Variants in DNMT1 observed in about 807,000 individuals in gnomAD.
DNMT1 encodes the protein DNA methyltransferase 1, also known as DNA (cytosine-5)-methyltransferase 1.
DNMT1 carries 24 observed loss-of-function variants against 205.3 expected under a neutral mutation model. That is an observed-to-expected ratio of 0.12 (90% CI 0.08 to 0.16). The LOEUF is 0.16. Ranked by LOEUF, DNMT1 falls within the 10% of genes least tolerant of loss-of-function variation. The pLI is 1.00. For synonymous variants in DNMT1, 817 were observed against 839.8 expected (o/e 0.97, Z 0.47); for missense variants, 1,293 against 2,177.7 (o/e 0.59, Z 8.09).
At chr19:10,152,530 C>T (rs1406333773) in intron 22 of DNMT1, among the ~76,000 whole-genome samples, 23 of 151,886 alleles carry the variant, frequency 1.5e-4, no homozygotes, top group Admixed American at 1.4e-3. Flanking sequence ...GATGCTAAGG[C>T]GGGAGGACTG....
At chr19:10,136,024 G>A in intron 38 of DNMT1, 97 bp downstream of exon 38, 1 of 1,562,890 alleles carries the variant, frequency 6.4e-7, no homozygotes, top group Non-Finnish European at 8.7e-7. Flanking sequence ...GGGTCCTGGG[G>A]TGCTGTCCCC....
At chr19:10,183,435 A>G (rs1248399382) in intron 1 of DNMT1, among the ~76,000 whole-genome samples, 1 of 152,154 alleles carries the variant, frequency 6.6e-6, no homozygotes, top group Non-Finnish European at 1.5e-5. Context: ...AAAAGGTACC[A>G]GAGACCAGGC....
chr19:10,153,520 C>T (rs2145304950), intron 22 of DNMT1, among the ~76,000 whole-genome samples: 1 of 151,666 alleles, frequency 6.6e-6, no homozygotes, highest in East Asian at 1.9e-4. Flanking sequence ...GCCTATAATC[C>T]CAGCCACTCG....
At chr19:10,194,452 G>C (rs759594073) in intron 1 of DNMT1, 1 of 181,052 alleles carries the variant, frequency 5.5e-6, no homozygotes, top group South Asian at 1.6e-4. Context: ...TTGGCCGCGG[G>C]CTGCCCACTT....
chr19:10,138,332 G>A lies in DNMT1; in HGVS notation c.4115+107C>T, dbSNP rs1231210200. On this transcript the variant is annotated intron_variant, in intron 35 of 40. Coordinates refer to ENST00000359526, the MANE Select transcript of DNMT1 (RefSeq NM_001130823.3). This position sits in a 1 kb window ranked among gnomAD's most constrained non-coding sequence, Gnocchi z 4.1. Reference sequence around the variant, plus strand: ...CAGAGCACCGTGTGGCAGGGCAGATGCTGTACCATCCTCTCCTCCCCAAGC... The same window carrying A: ...CAGAGCACCGTGTGGCAGGGCAGATACTGTACCATCCTCTCCTCCCCAAGC... The A allele has an allele frequency of 4.3e-5, 66 of 1,549,340 alleles. No homozygotes were observed. The highest frequency in any genetic ancestry group is 5.5e-5 in the Non-Finnish European group (62 of 1,135,496).
chr19:10,155,951 G>A lies in DNMT1; in HGVS notation c.1400-6C>T. On this transcript the variant is annotated splice_region_variant and splice_polypyrimidine_tract_variant and intron_variant, in intron 18 of 40. Coordinates refer to ENST00000359526, the MANE Select transcript of DNMT1 (RefSeq NM_001130823.3). ...ATTTTTGCCATTAACACCACCTAGAGCAGAAAAAGGAAATGGACTAAAGGC... is the reference window on the plus strand; with the variant it reads ...ATTTTTGCCATTAACACCACCTAGAACAGAAAAAGGAAATGGACTAAAGGC... 6.2e-7 allele frequency: 1 copy of A among 1,612,110 alleles called. No individual in the cohort carries two copies. Among genetic ancestry groups the A allele is most frequent in the Non-Finnish European group, 8.5e-7 (1 of 1,179,040 alleles).
chr19:10,162,905 G>T, intron 12 of DNMT1, 157 bp from the exon 13 acceptor site: 1 of 732,756 alleles, frequency 1.4e-6, no homozygotes, highest in Non-Finnish European at 2.3e-6. Flanking sequence ...CCCGAGACGA[G>T]GCCTTCAGAG....
intron 9 of DNMT1, among the ~76,000 whole-genome samples, chr19:10,171,753 G>A (rs1027155883): frequency 4.0e-5 from 6 of 151,622 alleles, no homozygotes; most frequent in South Asian, 4.2e-4. Flanking sequence ...TGCAGTGAGC[G>A]GAGATCAAGC....
At chr19:10,134,077 C>T in intron 40 of DNMT1, 140 bp downstream of exon 40, 1 of 834,116 alleles carries the variant, frequency 1.2e-6, no homozygotes, top group East Asian at 2.6e-5. Flanking sequence ...ACAGCAGCCC[C>T]TTGAGAAAGA....
chr19:10,144,107 T>C (rs142314978), intron 28 of DNMT1, 120 bp from the exon 29 acceptor site: 1 of 1,029,694 alleles, frequency 9.7e-7, no homozygotes, highest in African/African-American at 1.6e-5. Context: ...AAGGTAGGTG[T>C]GTACCCTAAG....
chr19:10,166,129 C>A (rs116988145), intron 11 of DNMT1, among the ~76,000 whole-genome samples: 2,309 of 152,204 alleles, frequency 0.015, 32 homozygotes, highest in South Asian at 0.051. Flanking sequence ...TGACAGAGGC[C>A]CAGCAGTGTT....
chr19:10,182,116 T>C, intron 1 of DNMT1, 39 bp from the exon 2 acceptor site: 1 of 1,592,352 alleles, frequency 6.3e-7, no homozygotes, highest in South Asian at 1.1e-5. Flanking sequence ...CAAACACTTG[T>C]TAAGCAACTT....
At chr19:10,161,297 C>G (rs1367603968) in intron 13 of DNMT1, among the ~76,000 whole-genome samples, 1 of 151,224 alleles carries the variant, frequency 6.6e-6, no homozygotes, top group African/African-American at 2.4e-5. Flanking sequence ...GAGCGAGACT[C>G]TGTCTCAAAA....
intron 9 of DNMT1, among the ~76,000 whole-genome samples, chr19:10,171,777 C>A (rs1425107999): frequency 6.6e-6 from 1 of 151,302 alleles, no homozygotes; most frequent in Non-Finnish European, 1.5e-5. Context: ...TGCACTTCAG[C>A]CTGGGCGACA....
At chr19:10,162,989 C>CA (rs2038609483) in intron 12 of DNMT1, 2 of 495,032 alleles carry the variant, frequency 4.0e-6, no homozygotes, top group South Asian at 5.0e-5. Context: ...TTTTTTGAGA[C>CA]AGAGTTTCAC....
intron 26 of DNMT1, 94 bp downstream of exon 26, chr19:10,149,359 T>TA (rs1375440580): frequency 2.4e-4 from 344 of 1,413,858 alleles, no homozygotes; most frequent in Middle Eastern, 4.3e-4. Context: ...AAAACCAAAT[T>TA]AAAAAAAAAT....
intron 30 of DNMT1, 172 bp downstream of exon 30, chr19:10,141,856 C>T (rs2089606618): frequency 1.4e-6 from 1 of 700,778 alleles, no homozygotes; most frequent in Admixed American, 2.9e-5. Context: ...TCTGGAGAAC[C>T]CTGCTCAGAC....
chr19:10,194,876 G>C lies in DNMT1; in HGVS notation c.24C>G (p.Ala8=), dbSNP rs1288392607. Residue 8 remains alanine (A), a synonymous_variant, in exon 1 of 41, where the codon GCC becomes GCG. Coordinates refer to ENST00000359526, the MANE Select transcript of DNMT1 (RefSeq NM_001130823.3). MPARTAP[A]RVPTLAVPAI... ...CCGGGACGGCCAGTGTGGGCACCCG[G>C]GCTGGGGCGGTACGCGCCGGCATCT... is the stretch of plus-strand genomic sequence containing the variant. 6.2e-7 allele frequency: 1 copy of C among 1,610,620 alleles called. No individual in the cohort carries two copies. Among genetic ancestry groups the C allele is most frequent in the Middle Eastern group, 1.7e-4 (1 of 6,050 alleles).
In DNMT1 at chr19:10,142,282, C is replaced by T. The variant is rs967876985; in HGVS notation, c.3117-62G>A. 2.5e-6 allele frequency: 4 copies of T among 1,610,666 alleles called. No homozygotes were observed. The East Asian group carries it at 6.7e-5, about 27-fold the overall frequency. On this transcript the variant is annotated intron_variant, in intron 29 of 40. Transcript: ENST00000359526. ...TGTGGTGAGCTTATGCTGAATTAAACAGTACCATGTTCCTGGGGTGCTCAG... is the reference window on the plus strand; with the variant it reads ...TGTGGTGAGCTTATGCTGAATTAAATAGTACCATGTTCCTGGGGTGCTCAG...
Sources: gnomAD v4.1 joint callset for allele counts (sites outside exome capture counted in the v4.1 genomes callset) on GRCh38, gnomAD v4.1.1 for gene constraint, Gnocchi (gnomAD v3.1) non-coding constraint, MANE v1.5 for transcripts, NCBI Gene and HGNC (gene_info 2026-07-23, HGNC 2026-07-21) for gene names.